FAM240B: variants seen among roughly 807,000 people sequenced by gnomAD.
FAM240B encodes family with sequence similarity 240 member B, also known as protein FAM240B.
chr9:38,695,758 T>C (rs1475349664), intron 2 of FAM240B, among the ~76,000 whole-genome samples: 1 of 152,188 alleles, frequency 6.6e-6, no homozygotes, highest in African/African-American at 2.4e-5. Context: ...CTTAAGAAGT[T>C]TGAAGAACAC....
intron 2 of FAM240B, among the ~76,000 whole-genome samples, 199 bp from the exon 3 acceptor site, chr9:38,695,068 A>G (rs889014802): frequency 6.6e-6 from 1 of 152,066 alleles, no homozygotes; most frequent in African/African-American, 2.4e-5. Flanking sequence ...TTCTTTTCCT[A>G]TGTTAAGGGG....
intron 2 of FAM240B, among the ~76,000 whole-genome samples, chr9:38,695,112 CG>C (rs1176963278): frequency 6.6e-6 from 1 of 152,124 alleles, no homozygotes; most frequent in Non-Finnish European, 1.5e-5. Flanking sequence ...CTAATGCATG[CG>C]GGGCTTAAAA....
At chr9:38,700,047 C>T (rs1180817264) in intron 2 of FAM240B, among the ~76,000 whole-genome samples, 1 of 152,218 alleles carries the variant, frequency 6.6e-6, no homozygotes, top group East Asian at 1.9e-4. Flanking sequence ...GGCTGCATCT[C>T]TGGTCAAGGG....
chr9:38,715,965 T>A (rs1469350972), intron 1 of FAM240B, among the ~76,000 whole-genome samples: 2 of 152,268 alleles, frequency 1.3e-5, no homozygotes, highest in East Asian at 3.9e-4. Flanking sequence ...GGCTGTTCAA[T>A]TTGATGTCTA....
At chr9:38,695,978 T>A (rs1208676791) in intron 2 of FAM240B, among the ~76,000 whole-genome samples, 1 of 152,204 alleles carries the variant, frequency 6.6e-6, no homozygotes, top group Admixed American at 6.5e-5. Context: ...TGGAACATTA[T>A]GTATCTATAT....
At chr9:38,698,656 C>A (rs1189215048) in intron 2 of FAM240B, among the ~76,000 whole-genome samples, 1 of 152,182 alleles carries the variant, frequency 6.6e-6, no homozygotes, top group African/African-American at 2.4e-5. Flanking sequence ...CACATCTACT[C>A]TCCTCTTGCC....
chr9:38,700,313 C>T (rs913898877), intron 2 of FAM240B, among the ~76,000 whole-genome samples: 2 of 152,204 alleles, frequency 1.3e-5, no homozygotes, highest in Non-Finnish European at 2.9e-5. Flanking sequence ...AATTGATAGG[C>T]AGCCTTCAGA....
intron 1 of FAM240B, among the ~76,000 whole-genome samples, chr9:38,710,360 C>T (rs1156268396): frequency 6.6e-6 from 1 of 152,176 alleles, no homozygotes; most frequent in Non-Finnish European, 1.5e-5. Flanking sequence ...GTGTTGTCTT[C>T]CATTCCCCAG....
At chr9:38,715,910 C>T (rs1023733631) in intron 1 of FAM240B, among the ~76,000 whole-genome samples, 2 of 152,290 alleles carry the variant, frequency 1.3e-5, no homozygotes, top group African/African-American at 4.8e-5. Flanking sequence ...AGCACCACCC[C>T]TCCCCGGTTA....
chr9:38,702,514 C>A (rs1371564752), intron 2 of FAM240B, among the ~76,000 whole-genome samples: 1 of 152,210 alleles, frequency 6.6e-6, no homozygotes, highest in Non-Finnish European at 1.5e-5. Flanking sequence ...TAGCCTCTCC[C>A]ATTTTAGGGA....
At chr9:38,718,226 T>A (rs1452228337) in intron 1 of FAM240B, among the ~76,000 whole-genome samples, 1 of 152,244 alleles carries the variant, frequency 6.6e-6, no homozygotes, top group East Asian at 1.9e-4. Flanking sequence ...TTACAAAAAA[T>A]TCCAGAGTAA....
chr9:38,695,906 A>G (rs1025649503), intron 2 of FAM240B, among the ~76,000 whole-genome samples: 6 of 152,232 alleles, frequency 3.9e-5, no homozygotes, highest in Admixed American at 6.5e-5. Context: ...TGGCCAGTTG[A>G]TTTTTCACAA....
intron 1 of FAM240B, among the ~76,000 whole-genome samples, chr9:38,706,811 A>G (rs1156731459): frequency 6.6e-6 from 1 of 152,358 alleles, no homozygotes; most frequent in African/African-American, 2.4e-5. Context: ...CATTCAGTGC[A>G]CAGAATTCTA....
At chr9:38,698,619 C>T (rs945019699) in intron 2 of FAM240B, among the ~76,000 whole-genome samples, 3 of 152,190 alleles carry the variant, frequency 2.0e-5, no homozygotes, top group Non-Finnish European at 2.9e-5. Flanking sequence ...TTTTCATTCA[C>T]AGGTGCTTCC....
At chr9:38,697,940 G>A (rs1038560044) in intron 2 of FAM240B, among the ~76,000 whole-genome samples, 2 of 152,244 alleles carry the variant, frequency 1.3e-5, no homozygotes, top group Admixed American at 1.3e-4. Context: ...TGGCCCTAAG[G>A]CCAAATCTGG....
intron 2 of FAM240B, 46 bp from the exon 3 acceptor site, chr9:38,694,915 C>T: frequency 2.5e-6 from 1 of 398,590 alleles, no homozygotes; most frequent in Non-Finnish European, 4.4e-6. Context: ...TTGTCTCCAG[C>T]TGTGCTGGTC....
chr9:38,710,572 C>G (rs1014384163), intron 1 of FAM240B, among the ~76,000 whole-genome samples: 2 of 152,160 alleles, frequency 1.3e-5, no homozygotes, highest in African/African-American at 4.8e-5. Context: ...CAATAGTTCT[C>G]CTTTTTAAAG....
intron 2 of FAM240B, among the ~76,000 whole-genome samples, chr9:38,698,282 G>C (rs903823924): frequency 2.0e-5 from 3 of 152,166 alleles, no homozygotes; most frequent in African/African-American, 7.2e-5. Flanking sequence ...TCAACGACAT[G>C]ACTTCTTTTC....
intron 1 of FAM240B, among the ~76,000 whole-genome samples, chr9:38,705,913 C>T (rs1239951942): frequency 6.7e-6 from 1 of 149,260 alleles, no homozygotes. Flanking sequence ...AGACTACATG[C>T]TGCTGAGCAT....
Sources: allele counts gnomAD v4.1 joint callset (sites outside exome capture counted in the v4.1 genomes callset), GRCh38; gene constraint gnomAD v4.1.1; transcripts MANE v1.5; gene names NCBI Gene and HGNC (gene_info 2026-07-23, HGNC 2026-07-21).